The following DPYD variants were observed in gnomAD, a reference collection of about 807,000 sequenced individuals.
The protein encoded by DPYD is dihydropyrimidine dehydrogenase [NADP(+)].
Under a neutral mutation model 116.2 loss-of-function variants are expected in DPYD, and 109 were observed. The observed-to-expected ratio is 0.94, with a 90% CI of 0.80 to 1.10. DPYD has a LOEUF of 1.10. Ranked by LOEUF, DPYD falls within the 50% of genes least tolerant of loss-of-function variation. The pLI, the probability that DPYD is intolerant of heterozygous loss-of-function variation, is 0.00. For synonymous variants in DPYD, 440 were observed against 432.0 expected, an observed-to-expected ratio of 1.02 and a Z score of -0.23; for missense variants, 1,302 against 1,254.5, an observed-to-expected ratio of 1.04 and a Z score of -0.57.
chr1:97,551,935 C>G (rs895196645), intron 11 of DPYD, among the ~76,000 whole-genome samples: 1 of 151,760 alleles, frequency 6.6e-6, no homozygotes, highest in Non-Finnish European at 1.5e-5. Flanking sequence ...TTAGATATAC[C>G]ATAAGTAATC....
intron 2 of DPYD, among the ~76,000 whole-genome samples, chr1:97,865,181 A>G (rs912041873): frequency 6.6e-6 from 1 of 151,840 alleles, no homozygotes; most frequent in African/African-American, 2.4e-5. Flanking sequence ...TCAGGTAAAG[A>G]CTTGTCTGCC....
At chr1:97,820,941 G>A (rs541800356) in intron 3 of DPYD, among the ~76,000 whole-genome samples, 1 of 152,012 alleles carries the variant, frequency 6.6e-6, no homozygotes, top group East Asian at 1.9e-4. Flanking sequence ...TTATTAATGA[G>A]TATATTCTAT....
chr1:97,793,573 A>G (rs1372760516), intron 3 of DPYD, among the ~76,000 whole-genome samples: 1 of 152,234 alleles, frequency 6.6e-6, no homozygotes, highest in Admixed American at 6.5e-5. Context: ...GGTTTTCATA[A>G]AAGTGCAAAG....
intron 13 of DPYD, among the ~76,000 whole-genome samples, chr1:97,498,980 T>G (rs2101924845): frequency 6.6e-6 from 1 of 151,776 alleles, no homozygotes; most frequent in South Asian, 2.1e-4. Context: ...CACTGATAGA[T>G]CTACTTGGTA....
At chr1:97,434,374 T>C (rs574525779) in intron 14 of DPYD, among the ~76,000 whole-genome samples, 1 of 152,110 alleles carries the variant, frequency 6.6e-6, no homozygotes, top group Non-Finnish European at 1.5e-5. Flanking sequence ...CTTTGCTTCA[T>C]GTACACAATG....
chr1:97,104,037 G>A (rs762573521), intron 20 of DPYD, among the ~76,000 whole-genome samples: 1 of 151,960 alleles, frequency 6.6e-6, no homozygotes, highest in Non-Finnish European at 1.5e-5. Context: ...CTCCTTTACC[G>A]ATTACCCTCC....
chr1:97,187,070 T>C (rs1407972536), intron 20 of DPYD, among the ~76,000 whole-genome samples: 1 of 152,166 alleles, frequency 6.6e-6, no homozygotes, highest in Non-Finnish European at 1.5e-5. Flanking sequence ...TGTAATGATG[T>C]CTTTTCCTTT....
intron 20 of DPYD, among the ~76,000 whole-genome samples, chr1:97,121,382 C>T (rs768452395): frequency 6.6e-6 from 1 of 152,152 alleles, no homozygotes; most frequent in Non-Finnish European, 1.5e-5. Context: ...CTTGGCACTT[C>T]TGACTTTCAA....
At chr1:97,385,370 G>C (rs1672277629) in intron 14 of DPYD, among the ~76,000 whole-genome samples, 1 of 145,176 alleles carries the variant, frequency 6.9e-6, no homozygotes, top group Non-Finnish European at 1.5e-5. Context: ...ACTGGGGAAT[G>C]GGCAGAGCCC....
chr1:97,583,575 C>T (rs1653850363), intron 10 of DPYD, among the ~76,000 whole-genome samples: 1 of 151,650 alleles, frequency 6.6e-6, no homozygotes, highest in South Asian at 2.1e-4. Flanking sequence ...CTGTTTTCTG[C>T]CACCTGCTAA....
chr1:97,191,226 C>A (rs1658336939), intron 20 of DPYD, among the ~76,000 whole-genome samples: 1 of 151,400 alleles, frequency 6.6e-6, no homozygotes. Flanking sequence ...AATTATAGGA[C>A]CAAAAAAAAG....
At chr1:97,813,110 A>C (rs758998117) in intron 3 of DPYD, among the ~76,000 whole-genome samples, 3 of 152,152 alleles carry the variant, frequency 2.0e-5, no homozygotes, top group Non-Finnish European at 4.4e-5. Flanking sequence ...CGAACTGGCT[A>C]CCCAATGTAT....
chr1:97,593,503 G>A (rs1036768699), intron 9 of DPYD, 116 bp from the exon 10 acceptor site: 21 of 1,164,038 alleles, frequency 1.8e-5, no homozygotes, highest in Non-Finnish European at 2.1e-5. Flanking sequence ...TTTCCAGGAT[G>A]AAGTGTCACT....
At chr1:97,433,166 T>C (rs942509220) in intron 14 of DPYD, among the ~76,000 whole-genome samples, 5 of 152,158 alleles carry the variant, frequency 3.3e-5, no homozygotes, top group Admixed American at 2.6e-4. Flanking sequence ...CAAGGCTTTT[T>C]CCCTGCCTTA....
intron 19 of DPYD, among the ~76,000 whole-genome samples, chr1:97,229,545 A>AGT (rs1553237929): frequency 1.2e-4 from 9 of 72,654 alleles, no homozygotes; most frequent in Admixed American, 1.6e-4. Flanking sequence ...GACCATCCTA[A>AGT]GTATATATAT....
rs1362319330 is a variant in DPYD, at chr1:97,657,366, TA to T, written c.850+21728del. Among the ~76,000 whole-genome samples the T allele has an allele frequency of 4.6e-5, 7 of 152,332 alleles. No homozygotes were observed. In the East Asian group the frequency reaches 7.7e-4, roughly 17 times the overall value. ...TGACTTTCTGTAGATATTTATTCAC[TA>T]AAAATTATAAAGAATATTAAAATTT... On this transcript the variant is annotated intron_variant, in intron 8 of 22. Coordinates refer to ENST00000370192, the MANE Select transcript of DPYD (RefSeq NM_000110.4).
At chr1:97,549,370 A>T (rs1021226817) in intron 12 of DPYD, among the ~76,000 whole-genome samples, 190 bp downstream of exon 12, 3 of 152,066 alleles carry the variant, frequency 2.0e-5, no homozygotes, top group African/African-American at 7.2e-5. Context: ...GCCTGGCCCA[A>T]TTTTTAATCA....
At chr1:97,422,916 T>A (rs1674664022) in intron 14 of DPYD, among the ~76,000 whole-genome samples, 1 of 152,046 alleles carries the variant, frequency 6.6e-6, no homozygotes, top group South Asian at 2.1e-4. Flanking sequence ...AATGTCTCCA[T>A]GTAGAAGTGA....
At chr1:97,145,544 C>T (rs1298560765) in intron 20 of DPYD, among the ~76,000 whole-genome samples, 1 of 152,110 alleles carries the variant, frequency 6.6e-6, no homozygotes, top group East Asian at 1.9e-4. Context: ...GCACTGCAGC[C>T]AGCAAAATGA....
Sources: allele counts gnomAD v4.1 joint callset (sites outside exome capture counted in the v4.1 genomes callset), GRCh38; gene constraint gnomAD v4.1.1; transcripts MANE v1.5; gene names NCBI Gene and HGNC (gene_info 2026-07-23, HGNC 2026-07-21).